MITF: variants seen among roughly 807,000 people sequenced by gnomAD.
MITF encodes the protein microphthalmia-associated transcription factor.
In MITF, 17 loss-of-function variants were observed where a neutral mutation model predicts 60.5. That is an observed-to-expected ratio of 0.28 (90% CI 0.19 to 0.42). The LOEUF is 0.42. Ranked by LOEUF, MITF falls within the 10% of genes least tolerant of loss-of-function variation. The pLI, the probability that MITF is intolerant of heterozygous loss-of-function variation, is 1.00. For missense variants in MITF, 622 were observed against 683.5 expected, an observed-to-expected ratio of 0.91 and a Z score of 1.00; for synonymous variants, 260 against 248.5, an observed-to-expected ratio of 1.05 and a Z score of -0.43.
chr3:69,832,144 C>G (rs980188890), intron 1 of MITF, among the ~76,000 whole-genome samples: 1 of 152,148 alleles, frequency 6.6e-6, no homozygotes, highest in African/African-American at 2.4e-5. Flanking sequence ...TTCTGTGGGT[C>G]AGGCATTCTG....
intron 3 of MITF, chr3:69,938,424 TG>T: frequency 6.5e-7 from 1 of 1,533,632 alleles, no homozygotes; most frequent in East Asian, 2.4e-5. Context: ...AGAAGAGGTG[TG>T]GGACATGCTG....
chr3:69,814,980 G>A (rs1018663261), intron 1 of MITF, among the ~76,000 whole-genome samples: 9 of 152,038 alleles, frequency 5.9e-5, no homozygotes, highest in Middle Eastern at 3.2e-3. Flanking sequence ...GCCCTAAATC[G>A]CACTGTAAGG....
In MITF at chr3:69,959,326, G is replaced by A. The variant is rs537021332; in HGVS notation, c.1085G>A (p.Arg362Gln). The A allele has an allele frequency of 4.0e-5, 65 of 1,614,012 alleles. No individual in the cohort carries two copies. The highest frequency in any genetic ancestry group is 1.5e-4 in the African/African-American group (11 of 75,026). Reference protein sequence around the residue: ...TILKASVDYIRKLQREQQRAK... With the variant: ...TILKASVDYIQKLQREQQRAK... Reference sequence around the variant, plus strand: ...TTAAAAGCATCCGTGGACTATATCCGAAAGTTGCAACGAGAACAGCAACGC... The same window carrying A: ...TTAAAAGCATCCGTGGACTATATCCAAAAGTTGCAACGAGAACAGCAACGC... Residue 362 changes from arginine to glutamine, a missense_variant, in exon 9 of 10, where the codon CGA (arginine) becomes CAA (glutamine). Around this residue, in one of 5 missense-constraint regions of MITF, gnomAD observed 31 missense variants for 74.8 expected, o/e 0.41. Transcript: ENST00000352241.
chr3:69,925,975 T>A (rs137957085), intron 2 of MITF, among the ~76,000 whole-genome samples: 2 of 152,302 alleles, frequency 1.3e-5, no homozygotes, highest in South Asian at 4.1e-4. Flanking sequence ...ACCTTAAATA[T>A]GATTTTCATG....
intron 2 of MITF, chr3:69,936,949 T>A: frequency 2.9e-5 from 5 of 175,194 alleles, no homozygotes; most frequent in African/African-American, 7.5e-5. Context: ...GTAGGATTCT[T>A]TTTTTTTTTT....
intron 2 of MITF, among the ~76,000 whole-genome samples, chr3:69,929,598 GT>G (rs370231814): frequency 1.3e-5 from 2 of 150,686 alleles, no homozygotes; most frequent in Non-Finnish European, 1.5e-5. Flanking sequence ...CTTTGTTTTT[GT>G]TTTTTTTTCT....
chr3:69,789,743 A>G (rs1039819418), intron 1 of MITF, among the ~76,000 whole-genome samples: 4 of 152,082 alleles, frequency 2.6e-5, no homozygotes, highest in African/African-American at 7.2e-5. Context: ...GTAGTCCCAC[A>G]TACTTGGGAG....
chr3:69,825,910 T>C (rs964714584), intron 1 of MITF, among the ~76,000 whole-genome samples: 2 of 152,192 alleles, frequency 1.3e-5, no homozygotes, highest in Non-Finnish European at 2.9e-5. Context: ...TTTATTTCTT[T>C]ATATTTATAT....
intron 1 of MITF, among the ~76,000 whole-genome samples, chr3:69,848,379 A>G (rs763388816): frequency 1.3e-5 from 2 of 152,202 alleles, no homozygotes; most frequent in African/African-American, 2.4e-5. Flanking sequence ...CTGGCCATGG[A>G]ATATTTTAAA....
chr3:69,902,946 C>T (rs2065024955), intron 2 of MITF, among the ~76,000 whole-genome samples: 1 of 151,638 alleles, frequency 6.6e-6, no homozygotes, highest in African/African-American at 2.4e-5. Context: ...TAAAAATATA[C>T]AGTAATTAGA....
At chr3:69,946,770 A>T (rs941785754) in intron 5 of MITF, among the ~76,000 whole-genome samples, 2 of 152,160 alleles carry the variant, frequency 1.3e-5, no homozygotes, top group African/African-American at 2.4e-5. Flanking sequence ...AGAGTGCCCA[A>T]TGAGGCATCT....
At position 69,937,962 on chromosome 3, in the gene MITF, C is replaced by T. The variant is rs373840246; in HGVS notation, c.495C>T (p.Gly165=). The T allele has an allele frequency of 3.1e-6, 5 of 1,614,050 alleles. No individual in the cohort carries two copies. Among genetic ancestry groups the T allele is most frequent in the South Asian group, 1.1e-5 (1 of 91,094 alleles). Residue 165 remains glycine, a synonymous_variant, in exon 3 of 10, where the codon GGC becomes GGT. Transcript: ENST00000352241. ...VLSLPCPNQP[G]DHVMPPVPGS... is the part of the protein sequence containing the mutation. ...GCTTGCCATGTCCAAACCAGCCTGGCGATCATGTCATGCCACCGGTGCCGG... is the reference window on the plus strand; with the variant it reads ...GCTTGCCATGTCCAAACCAGCCTGGTGATCATGTCATGCCACCGGTGCCGG...
At chr3:69,889,133 G>C (rs2064700578) in intron 2 of MITF, among the ~76,000 whole-genome samples, 1 of 137,598 alleles carries the variant, frequency 7.3e-6, no homozygotes, top group South Asian at 2.4e-4. Flanking sequence ...AGAACCTCAT[G>C]ACTTCAGCCT....
chr3:69,866,095 A>C, intron 1 of MITF: 1 of 994,598 alleles, frequency 1.0e-6, no homozygotes, highest in Non-Finnish European at 1.4e-6. Flanking sequence ...TTTGTCCTGC[A>C]GGTACAGTAG....
At chr3:69,742,659 A>G (rs1703571079) in intron 1 of MITF, among the ~76,000 whole-genome samples, 1 of 152,142 alleles carries the variant, frequency 6.6e-6, no homozygotes, top group African/African-American at 2.4e-5. Context: ...CCCACCAACC[A>G]GTATGTGCCT....
At chr3:69,746,006 A>G (rs9817946) in intron 1 of MITF, among the ~76,000 whole-genome samples, 35,613 of 152,154 alleles carry the variant, frequency 0.23, 4,546 homozygotes, top group East Asian at 0.56. Flanking sequence ...ACTAAAACAT[A>G]TATAGAATCA....
chr3:69,827,824 C>A (rs2063381088), intron 1 of MITF, among the ~76,000 whole-genome samples: 1 of 152,026 alleles, frequency 6.6e-6, no homozygotes, highest in African/African-American at 2.4e-5. Context: ...AAATTAGTGG[C>A]CCAGGCACCC....
intron 1 of MITF, among the ~76,000 whole-genome samples, chr3:69,836,575 A>G (rs2063544411): frequency 6.6e-6 from 1 of 152,222 alleles, no homozygotes; most frequent in Admixed American, 6.5e-5. Context: ...TTTCTTTCTC[A>G]TGACAATTTT....
intron 1 of MITF, among the ~76,000 whole-genome samples, chr3:69,836,131 G>A (rs1466677234): frequency 5.9e-5 from 9 of 151,854 alleles, no homozygotes. Flanking sequence ...ATTTATTTGT[G>A]TCTTCTTCAA....
Sources: allele counts gnomAD v4.1 joint callset (sites outside exome capture counted in the v4.1 genomes callset), GRCh38; gene constraint gnomAD v4.1.1; regional missense constraint gnomAD v4.1.1; transcripts MANE v1.5; gene names NCBI Gene and HGNC (gene_info 2026-07-23, HGNC 2026-07-21).